The following CNTN5 variants were observed in gnomAD, a reference collection of about 807,000 sequenced individuals.
CNTN5 encodes the protein contactin-5.
A neutral mutation model predicts 129.1 loss-of-function variants in CNTN5; 77 were observed. The ratio of observed to expected loss-of-function variants is 0.60; its 90% confidence interval spans 0.50 to 0.72. CNTN5 has a LOEUF of 0.72. CNTN5 is among the 30% of genes least tolerant of loss of function. CNTN5 has a pLI of 0.00. For missense variants in CNTN5, 1,478 were observed against 1,328.8 expected, an observed-to-expected ratio of 1.11 and a Z score of -1.75; for synonymous variants, 509 against 465.6, an observed-to-expected ratio of 1.09 and a Z score of -1.20.
At chr11:99,488,214 C>A (rs1330459908) in intron 2 of CNTN5, among the ~76,000 whole-genome samples, 2 of 144,380 alleles carry the variant, frequency 1.4e-5, no homozygotes, top group Non-Finnish European at 3.0e-5. Context: ...GCTCTGTCGT[C>A]CAGGCTGGAG....
At position 99,727,482 on chromosome 11, in the gene CNTN5, A is replaced by G. The variant is rs981177472; in HGVS notation, c.56-92062A>G. 5.9e-5 allele frequency among the ~76,000 whole-genome samples: 9 copies of G among 151,900 alleles called. 1 individual carries two copies. Among genetic ancestry groups the G allele is most frequent in the Admixed American group, 3.3e-4 (5 of 15,248 alleles). ...AAACCCAAACCTTATCACTAAATAT[A>G]ATTTTCATAGTTATTATATTATCCC... On this transcript the variant is annotated intron_variant, in intron 3 of 24. Coordinates refer to ENST00000524871, the MANE Select transcript of CNTN5 (RefSeq NM_014361.4).
chr11:99,867,931 C>G (rs1948398391), intron 6 of CNTN5, among the ~76,000 whole-genome samples: 1 of 152,062 alleles, frequency 6.6e-6, no homozygotes, highest in African/African-American at 2.4e-5. Context: ...CTACATAAAA[C>G]TGGCCAAGCG....
At chr11:99,427,171 A>T (rs912276439) in intron 2 of CNTN5, among the ~76,000 whole-genome samples, 2 of 152,236 alleles carry the variant, frequency 1.3e-5, no homozygotes, top group Middle Eastern at 3.2e-3. Context: ...ATTTAATCAG[A>T]CATAGGAAAA....
chr11:99,344,849 C>A (rs1294407615), intron 2 of CNTN5, among the ~76,000 whole-genome samples: 1 of 152,032 alleles, frequency 6.6e-6, no homozygotes, highest in African/African-American at 2.4e-5. Context: ...GCTGTAAGGC[C>A]CCTTAAAATC....
chr11:99,081,397 C>A (rs1223628481), intron 1 of CNTN5, among the ~76,000 whole-genome samples: 2 of 152,148 alleles, frequency 1.3e-5, no homozygotes, highest in Non-Finnish European at 2.9e-5. Context: ...ATTTTATTCA[C>A]CCAAACACAC....
intron 2 of CNTN5, among the ~76,000 whole-genome samples, chr11:99,488,166 T>G (rs1394536212): frequency 6.6e-6 from 1 of 150,940 alleles, no homozygotes; most frequent in Non-Finnish European, 1.5e-5. Context: ...GAAGTTTTTT[T>G]TTTTTTTTTT....
At chr11:99,027,400 C>T (rs1487712576) in intron 1 of CNTN5, among the ~76,000 whole-genome samples, 1 of 151,280 alleles carries the variant, frequency 6.6e-6, no homozygotes, top group African/African-American at 2.4e-5. Context: ...AAGGTAGTAG[C>T]GATTTTAGAG....
At chr11:99,927,098 T>C (rs1434647864) in intron 7 of CNTN5, among the ~76,000 whole-genome samples, 1 of 152,170 alleles carries the variant, frequency 6.6e-6, no homozygotes, top group Non-Finnish European at 1.5e-5. Flanking sequence ...GTTACTTGAG[T>C]TATATTATTT....
Position 100,001,885 on chromosome 11 carries a change from A to G in CNTN5, c.878-149A>G. 1.0e-5 allele frequency: 6 copies of G among 597,612 alleles called. No homozygotes were observed. The Admixed American group carries it at 1.8e-4, about 18-fold the overall frequency. The allele number at this position is 597,612 out of a possible 1,614,324, so 37.0% of individuals were successfully genotyped here. Reference sequence around the variant, plus strand: ...CATCAAAATGATAGAGCCTAAGTGTACTACTTATTTCAATACATCGAAAAA... The same window carrying G: ...CATCAAAATGATAGAGCCTAAGTGTGCTACTTATTTCAATACATCGAAAAA... On this transcript the variant is annotated intron_variant, in intron 8 of 24. Coordinates refer to ENST00000524871, the MANE Select transcript of CNTN5 (RefSeq NM_014361.4).
At chr11:99,593,470 T>TG (rs1317812724) in intron 3 of CNTN5, among the ~76,000 whole-genome samples, 16 of 152,180 alleles carry the variant, frequency 1.1e-4, no homozygotes, top group Admixed American at 7.2e-4. Context: ...ACTACTTTTA[T>TG]TAAAAGTATG....
chr11:99,214,558 G>C (rs1860021555), intron 1 of CNTN5, among the ~76,000 whole-genome samples: 2 of 151,538 alleles, frequency 1.3e-5, no homozygotes, highest in South Asian at 4.1e-4. Context: ...TTTCTTCCCA[G>C]CTTCAATTTC....
intron 3 of CNTN5, among the ~76,000 whole-genome samples, chr11:99,770,717 A>T (rs574298686): frequency 6.6e-6 from 1 of 152,080 alleles, no homozygotes; most frequent in South Asian, 2.1e-4. Flanking sequence ...TGTAAATGGG[A>T]TTTGTTTTCT....
intron 15 of CNTN5, among the ~76,000 whole-genome samples, chr11:100,198,456 A>G (rs1249955250): frequency 2.6e-5 from 4 of 151,900 alleles, no homozygotes; most frequent in African/African-American, 9.7e-5. Flanking sequence ...ATTCCTCTTA[A>G]CAGCCATATG....
intron 6 of CNTN5, among the ~76,000 whole-genome samples, chr11:99,900,461 C>G (rs1044086302): frequency 1.3e-5 from 2 of 151,302 alleles, no homozygotes; most frequent in Admixed American, 6.6e-5. Context: ...ATGCTATAAA[C>G]TTTAATGCTA....
chr11:100,179,740 A>G (rs1303029293), intron 13 of CNTN5, among the ~76,000 whole-genome samples: 1 of 152,102 alleles, frequency 6.6e-6, no homozygotes, highest in Admixed American at 6.6e-5. Context: ...TGAACTAAAA[A>G]TAATTTATCC....
chr11:100,243,821 A>G (rs1265944829), intron 16 of CNTN5, among the ~76,000 whole-genome samples: 4 of 151,952 alleles, frequency 2.6e-5, no homozygotes, highest in African/African-American at 7.2e-5. Context: ...GACCTTTTGA[A>G]CCCTCTTCAG....
chr11:99,588,825 T>C (rs113846480), intron 3 of CNTN5, among the ~76,000 whole-genome samples: 95 of 152,332 alleles, frequency 6.2e-4, no homozygotes, highest in African/African-American at 2.1e-3. Context: ...GCAATATTCC[T>C]GCCTGCGTTG....
chr11:99,980,554 G>A (rs542516555), intron 8 of CNTN5, among the ~76,000 whole-genome samples: 1 of 152,256 alleles, frequency 6.6e-6, no homozygotes, highest in Non-Finnish European at 1.5e-5. Context: ...GATTTGCAAA[G>A]GAGGGTCCCT....
At chr11:99,382,845 C>CATTTTT (rs1417732458) in intron 2 of CNTN5, among the ~76,000 whole-genome samples, 2 of 77,046 alleles carry the variant, frequency 2.6e-5, no homozygotes, top group Middle Eastern at 0.011. Flanking sequence ...CTCTAAATAA[C>CATTTTT]TTTTTTTTTT....
Sources: gnomAD v4.1 joint callset for allele counts (sites outside exome capture counted in the v4.1 genomes callset) on GRCh38, gnomAD v4.1.1 for gene constraint, MANE v1.5 for transcripts, NCBI Gene and HGNC (gene_info 2026-07-23, HGNC 2026-07-21) for gene names.